DEPDC1B: variants seen among roughly 807,000 people sequenced by gnomAD.
DEPDC1B encodes DEP domain-containing protein 1B.
In DEPDC1B, 51 loss-of-function variants were observed where a neutral mutation model predicts 66.5. That is an observed-to-expected ratio of 0.77 (90% CI 0.61 to 0.97). The LOEUF is 0.97. Ranked by LOEUF, DEPDC1B falls within the 50% of genes least tolerant of loss-of-function variation. The pLI, the probability that DEPDC1B is intolerant of heterozygous loss-of-function variation, is 0.00. For synonymous variants in DEPDC1B, 226 were observed against 223.6 expected (o/e 1.01, Z -0.10); for missense variants, 552 against 637.1 (o/e 0.87, Z 1.44).
At chr5:60,669,472 GACT>G (rs1255902189) in intron 2 of DEPDC1B, among the ~76,000 whole-genome samples, 3 of 152,116 alleles carry the variant, frequency 2.0e-5, no homozygotes, top group South Asian at 2.1e-4. Context: ...ATCCTTCTGA[GACT>G]ACTATTTCCC....
chr5:60,598,322 G>C (rs1752136100), intron 10 of DEPDC1B, among the ~76,000 whole-genome samples: 1 of 152,086 alleles, frequency 6.6e-6, no homozygotes, highest in Non-Finnish European at 1.5e-5. Context: ...ATATTACTTT[G>C]TGAAAAGCTT....
rs137962644 is a variant in DEPDC1B, at chr5:60,643,129, T to C, written c.710-270A>G. 3.8e-3 allele frequency among the ~76,000 whole-genome samples: 573 copies of C among 152,242 alleles called. 3 individuals carry two copies. The highest frequency in any genetic ancestry group is 0.013 in the African/African-American group (534 of 41,564). On this transcript the variant is annotated intron_variant, in intron 5 of 10. Transcript: ENST00000265036. ...GCTATAGTAAAAAGAAAAAAATGTA[T>C]AGTTTGCTCCAAACAAACAAACAAA...
At chr5:60,602,555 A>G (rs1373992028) in intron 9 of DEPDC1B, among the ~76,000 whole-genome samples, 1 of 152,120 alleles carries the variant, frequency 6.6e-6, no homozygotes, top group African/African-American at 2.4e-5. Flanking sequence ...TGCCTTTACC[A>G]GGTTTCTGCT....
chr5:60,623,871 T>C (rs541341704), intron 7 of DEPDC1B, among the ~76,000 whole-genome samples: 74 of 152,286 alleles, frequency 4.9e-4, no homozygotes, highest in African/African-American at 1.7e-3. Flanking sequence ...TCTTATATCC[T>C]GCTTCCTTGT....
At chr5:60,637,185 A>T (rs1213167962) in intron 7 of DEPDC1B, among the ~76,000 whole-genome samples, 4 of 152,170 alleles carry the variant, frequency 2.6e-5, no homozygotes, top group Non-Finnish European at 5.9e-5. Context: ...TCCCCGCCCA[A>T]ATCTCATGTT....
intron 1 of DEPDC1B, chr5:60,687,816 G>A (rs570039610): frequency 1.3e-4 from 28 of 211,166 alleles, no homozygotes; most frequent in African/African-American, 5.9e-4. Flanking sequence ...GTGAGCCACT[G>A]CACCCGGCCT....
chr5:60,644,868 T>C lies in DEPDC1B; in HGVS notation c.586A>G (p.Lys196Glu). 3 of 1,601,580 alleles carry C rather than the reference T, an allele frequency of 1.9e-6. No homozygotes were observed. Among genetic ancestry groups the C allele is most frequent in the Non-Finnish European group, 2.6e-6 (3 of 1,174,254 alleles). ...TCTAAGGAATCCAGGCCAAGAATTT[T>C]CTGTAAGCTAAAAGATAAGTAATTA... ...WKSMTLSYLQ[K>E]ILGLDSLEEV... Residue 196 changes from lysine to glutamate, a missense_variant, in exon 5 of 11, where the codon AAA (lysine) becomes GAA (glutamate). Transcript: ENST00000265036.
chr5:60,606,978 C>T (rs1752324060), intron 7 of DEPDC1B, among the ~76,000 whole-genome samples: 1 of 152,130 alleles, frequency 6.6e-6, no homozygotes, highest in Non-Finnish European at 1.5e-5. Flanking sequence ...TATTTACTGA[C>T]CATCTACAAT....
At chr5:60,693,959 T>C (rs1754601536) in intron 1 of DEPDC1B, among the ~76,000 whole-genome samples, 1 of 152,178 alleles carries the variant, frequency 6.6e-6, no homozygotes, top group Non-Finnish European at 1.5e-5. Flanking sequence ...ATGCATTACA[T>C]AAACATAATG....
chr5:60,629,503 C>G (rs1459836382), intron 7 of DEPDC1B, among the ~76,000 whole-genome samples: 1 of 152,324 alleles, frequency 6.6e-6, no homozygotes, highest in African/African-American at 2.4e-5. Flanking sequence ...CAACTCCACA[C>G]TGATCATTTC....
chr5:60,665,362 G>A (rs1049022183), intron 2 of DEPDC1B, among the ~76,000 whole-genome samples: 1 of 152,142 alleles, frequency 6.6e-6, no homozygotes, highest in Non-Finnish European at 1.5e-5. Flanking sequence ...CCTGTAAAGT[G>A]TGCCAAAGAA....
At chr5:60,698,375 C>T (rs1157731135) in intron 1 of DEPDC1B, among the ~76,000 whole-genome samples, 1 of 152,198 alleles carries the variant, frequency 6.6e-6, no homozygotes, top group Admixed American at 6.5e-5. Context: ...AAGAAAAAGT[C>T]ACAAGCTGAA....
In DEPDC1B at chr5:60,599,197, T is replaced by G. The variant is rs768195193; in HGVS notation, c.1306A>C (p.Ser436Arg). ...LSAPSFCRQI[S>R]PEEFEYQRSY... ...CTTTGATATTCAAATTCCTCTGGAC[T>G]AATTTGACGGCAAAATGATGGAGCA... Residue 436 changes from serine to arginine, a missense_variant, in exon 10 of 11, where the codon AGT becomes CGT. Physicochemically the swap from Ser to Arg is moderately radical, Grantham distance 110 (BLOSUM62 -1). Coordinates refer to ENST00000265036, the MANE Select transcript of DEPDC1B (RefSeq NM_018369.3). 1 of 1,612,462 alleles carries G rather than the reference T, an allele frequency of 6.2e-7. No homozygotes were observed. Among genetic ancestry groups the G allele is most frequent in the Non-Finnish European group, 8.5e-7 (1 of 1,179,456 alleles).
At chr5:60,615,417 C>T (rs143877603) in intron 7 of DEPDC1B, among the ~76,000 whole-genome samples, 8,637 of 152,240 alleles carry the variant, frequency 0.057, 485 homozygotes, top group Admixed American at 0.16. Flanking sequence ...GGGTGACAGA[C>T]GGCACCTGGA....
chr5:60,628,929 T>TA (rs1471841267), intron 7 of DEPDC1B, among the ~76,000 whole-genome samples: 4 of 152,262 alleles, frequency 2.6e-5, no homozygotes, highest in African/African-American at 7.2e-5. Flanking sequence ...AGAAAGGTCT[T>TA]AAACTTCTTT....
chr5:60,674,927 T>C (rs1393930808), intron 2 of DEPDC1B, among the ~76,000 whole-genome samples: 1 of 152,156 alleles, frequency 6.6e-6, no homozygotes, highest in Non-Finnish European at 1.5e-5. Flanking sequence ...AGTGAGTTCA[T>C]GCTCCAGGAA....
chr5:60,606,781 C>T (rs1752319993), intron 7 of DEPDC1B, among the ~76,000 whole-genome samples: 1 of 143,746 alleles, frequency 7.0e-6, no homozygotes, highest in Non-Finnish European at 1.5e-5. Flanking sequence ...AGACCTGTCT[C>T]TTTTTTTTTT....
intron 6 of DEPDC1B, among the ~76,000 whole-genome samples, chr5:60,641,874 G>A (rs966141303): frequency 6.6e-6 from 1 of 151,970 alleles, no homozygotes; most frequent in Admixed American, 6.6e-5. Context: ...AGAGAACCTT[G>A]GGCTTCACAC....
chr5:60,617,449 G>C (rs939971596), intron 7 of DEPDC1B, among the ~76,000 whole-genome samples: 2 of 152,022 alleles, frequency 1.3e-5, no homozygotes, highest in Admixed American at 1.3e-4. Flanking sequence ...GAAGATCTGC[G>C]AAGCAAATGG....
Sources: allele counts gnomAD v4.1 joint callset (sites outside exome capture counted in the v4.1 genomes callset), GRCh38; gene constraint gnomAD v4.1.1; transcripts MANE v1.5; gene names NCBI Gene and HGNC (gene_info 2026-07-23, HGNC 2026-07-21).